CNBD2: variants seen among roughly 807,000 people sequenced by gnomAD.
The protein encoded by CNBD2 is cyclic nucleotide-binding domain-containing protein 2.
A neutral mutation model predicts 63.7 loss-of-function variants in CNBD2; 64 were observed. That is an observed-to-expected ratio of 1.00 (90% CI 0.82 to 1.24). The LOEUF is 1.24. Among genes scored for constraint, CNBD2 ranks in the 50% most tolerant of loss-of-function variants. The pLI is 0.00. For missense variants in CNBD2, 691 were observed against 713.5 expected, an observed-to-expected ratio of 0.97 and a Z score of 0.36; for synonymous variants, 229 against 255.4, an observed-to-expected ratio of 0.90 and a Z score of 0.99.
chr20:36,017,759 C>T (rs1176833865), intron 10 of CNBD2, among the ~76,000 whole-genome samples: 1 of 152,158 alleles, frequency 6.6e-6, no homozygotes, highest in Non-Finnish European at 1.5e-5. Context: ...GCCTCCATTC[C>T]TTCGGTCATT....
At chr20:36,001,374 CCCCA>C (rs2056898489) in intron 8 of CNBD2, among the ~76,000 whole-genome samples, 1 of 147,090 alleles carries the variant, frequency 6.8e-6, no homozygotes, top group Non-Finnish European at 1.5e-5. Context: ...GGGCTGACCC[CCCCA>C]CCTCCCTCCC....
rs1287217993 is a variant in CNBD2 at position 35,984,065 on chromosome 20, C to A, written c.491C>A (p.Thr164Asn). Residue 164 changes from threonine to asparagine, a missense_variant, in exon 5 of 12, where the codon ACC becomes AAC. Coordinates refer to ENST00000373973, the MANE Select transcript of CNBD2 (RefSeq NM_001365709.1). ...YFIYLGTVAI[T>N]KDEDGSSAFL... ...ATCTACCTGGGCACAGTTGCAATAA[C>A]CAAGGACGAGGATGGCAGCAGTGCC... 2 of 1,614,018 alleles carry A rather than the reference C, an allele frequency of 1.2e-6. No individual in the cohort carries two copies. The highest frequency in any genetic ancestry group is 2.2e-5 in the East Asian group (1 of 44,894).
intron 11 of CNBD2, among the ~76,000 whole-genome samples, chr20:36,028,442 G>C (rs1257746835): frequency 6.6e-6 from 1 of 152,100 alleles, no homozygotes; most frequent in South Asian, 2.1e-4. Flanking sequence ...CGAAGACTCT[G>C]AGATCCTGAA....
At chr20:35,981,328 A>G (rs930274320) in intron 4 of CNBD2, among the ~76,000 whole-genome samples, 7 of 152,126 alleles carry the variant, frequency 4.6e-5, no homozygotes, top group African/African-American at 1.4e-4. Context: ...ACTTCAGTGA[A>G]CAGTGCCTGT....
chr20:35,963,122 C>T (rs957730598), intron 2 of CNBD2, among the ~76,000 whole-genome samples: 2 of 152,066 alleles, frequency 1.3e-5, no homozygotes, highest in Non-Finnish European at 1.5e-5. Flanking sequence ...AGTGGGAGGA[C>T]TGCTTGAGCC....
chr20:36,007,909 A>G (rs1405191830), intron 8 of CNBD2, among the ~76,000 whole-genome samples: 2 of 152,094 alleles, frequency 1.3e-5, no homozygotes, highest in Admixed American at 6.6e-5. Context: ...TTTATCTCTT[A>G]TTGCTGACTC....
At chr20:35,963,640 AAAATAAATAAAT>A (rs749658047), upstream of CNBD2, among the ~76,000 whole-genome samples, 2 of 152,040 alleles carry the variant, frequency 1.3e-5, no homozygotes, top group African/African-American at 4.8e-5. Context: ...CTCTGTCTCA[AAAATAAATAAAT>A]AAATAAATAA....
chr20:36,011,786 G>A (rs1309089417), intron 10 of CNBD2, among the ~76,000 whole-genome samples: 1 of 152,152 alleles, frequency 6.6e-6, no homozygotes, highest in Non-Finnish European at 1.5e-5. Context: ...AAACTAATGA[G>A]ATTATAGCAA....
chr20:35,984,001 A>G lies in CNBD2; in HGVS notation c.427A>G (p.Ile143Val), dbSNP rs1050819592. 3 of 1,614,082 alleles carry G rather than the reference A, an allele frequency of 1.9e-6. No individual in the cohort carries two copies. The African/African-American group carries it at 4.0e-5, about 22-fold the overall frequency. ...RFERFGRRRVIIKKGQKGNSF... is the reference protein window; with the variant it reads ...RFERFGRRRVVIKKGQKGNSF... The stretch of plus-strand genomic sequence containing the variant: ...TCCCAGGTTTGGTCGCAGGCGTGTG[A>G]TCATCAAGAAGGGGCAGAAGGGCAA... The change falls in exon 5 of 12, where the codon ATC (isoleucine) becomes GTC (valine). Residue 143 changes from isoleucine (I) to valine (V), a missense_variant. By Grantham distance (29) the Ile-to-Val change is conservative. Coordinates refer to ENST00000373973, the MANE Select transcript of CNBD2 (RefSeq NM_001365709.1).
At chr20:36,014,466 A>G (rs1203401191) in intron 10 of CNBD2, among the ~76,000 whole-genome samples, 1 of 150,696 alleles carries the variant, frequency 6.6e-6, no homozygotes, top group Non-Finnish European at 1.5e-5. Context: ...AGTAGCTGGC[A>G]TTACAGGCAC....
rs531846390 is a variant in CNBD2 at position 35,992,267 on chromosome 20, G to A, written c.856-2771G>A. ...TAGGAGGAAGGGCTCAGTGATCTGT[G>A]TTTTAACAAGGCTTCCAGGCGATTC... On this transcript the variant is annotated intron_variant, in intron 7 of 11. Transcript: ENST00000373973. Among the ~76,000 whole-genome samples, 12 of 152,314 alleles carry A rather than the reference G, an allele frequency of 7.9e-5. No homozygotes were observed. In the East Asian group the frequency reaches 2.3e-3, roughly 29 times the overall value.
chr20:35,975,983 T>C lies in CNBD2; in HGVS notation c.224T>C (p.Met75Thr), dbSNP rs1568860438. The C allele has an allele frequency of 3.1e-6, 5 of 1,613,102 alleles. No homozygotes were observed. The African/African-American group carries it at 5.3e-5, about 17-fold the overall frequency. ...KMQSRVTFDT[M>T]DFIAEEGHFP... ...CAAAGCCGAGTCACATTTGATACCA[T>C]GGACTTCATTGCAGAGGAGGTATGC... The change falls in exon 3 of 12, where the codon ATG becomes ACG. Residue 75 changes from methionine to threonine, a missense_variant. Physicochemically the swap from Met to Thr is moderately conservative, Grantham distance 81. Transcript: ENST00000373973.
chr20:35,994,189 C>G (rs2056788620), intron 7 of CNBD2, among the ~76,000 whole-genome samples: 1 of 152,114 alleles, frequency 6.6e-6, no homozygotes, highest in Non-Finnish European at 1.5e-5. Flanking sequence ...CCTCAGCCTC[C>G]CGAATAGCTG....
intron 7 of CNBD2, among the ~76,000 whole-genome samples, chr20:35,993,069 G>A (rs2056769356): frequency 6.6e-6 from 1 of 151,838 alleles, no homozygotes; most frequent in African/African-American, 2.4e-5. Flanking sequence ...CTCCATAGAT[G>A]CAATTAAAGA....
At chr20:35,972,927 G>A (rs1018826154) in intron 2 of CNBD2, 161 bp downstream of exon 2, 2 of 666,654 alleles carry the variant, frequency 3.0e-6, no homozygotes, top group African/African-American at 1.8e-5. Context: ...CTGTTGGAGA[G>A]GGTGACTTAC....
intron 4 of CNBD2, among the ~76,000 whole-genome samples, chr20:35,982,714 T>C (rs1461744216): frequency 1.3e-5 from 2 of 151,720 alleles, no homozygotes; most frequent in African/African-American, 4.9e-5. Flanking sequence ...GTCTGTGTTG[T>C]TCATTGTGCC....
intron 11 of CNBD2, among the ~76,000 whole-genome samples, chr20:36,029,864 G>T (rs576768181): frequency 6.6e-6 from 1 of 151,866 alleles, no homozygotes; most frequent in Non-Finnish European, 1.5e-5. Flanking sequence ...TTCCTCAGCC[G>T]CACTTACTAT....
At chr20:36,013,149 T>C (rs1448602199) in intron 10 of CNBD2, among the ~76,000 whole-genome samples, 1 of 152,220 alleles carries the variant, frequency 6.6e-6, no homozygotes, top group East Asian at 1.9e-4. Context: ...CCAGGCATAG[T>C]GGCTCACGCC....
intron 5 of CNBD2, 67 bp from the exon 6 acceptor site, chr20:35,984,560 G>A: frequency 6.5e-7 from 1 of 1,530,240 alleles, no homozygotes; most frequent in Non-Finnish European, 8.9e-7. Flanking sequence ...CACGGAAGAT[G>A]TGTGTAAGGC....
Sources: allele counts gnomAD v4.1 joint callset (sites outside exome capture counted in the v4.1 genomes callset), GRCh38; gene constraint gnomAD v4.1.1; transcripts MANE v1.5; gene names NCBI Gene and HGNC (gene_info 2026-07-23, HGNC 2026-07-21).